COL13A1: variants seen among roughly 807,000 people sequenced by gnomAD.
COL13A1 encodes collagen type XIII alpha 1 chain.
COL13A1 carries 89 observed loss-of-function variants against 130.9 expected under a neutral mutation model. That is an observed-to-expected ratio of 0.68 (90% CI 0.57 to 0.81). COL13A1 has a LOEUF of 0.81. Ranked by LOEUF, COL13A1 falls within the 30% of genes least tolerant of loss-of-function variation. The probability of loss-of-function intolerance (pLI) is 0.00; values close to 1 mark genes in which losing one functional copy is unlikely to be tolerated. For synonymous variants in COL13A1, 402 were observed against 341.6 expected (o/e 1.18, Z -1.95); for missense variants, 879 against 934.6 (o/e 0.94, Z 0.78).
chr10:69,956,947 C>T (rs1007122949), intron 39 of COL13A1, 57 bp from the exon 40 acceptor site: 17 of 1,464,040 alleles, frequency 1.2e-5, no homozygotes, highest in Admixed American at 3.3e-5. Flanking sequence ...CCTGTCCTGC[C>T]CACTTGGTGG....
At position 69,905,953 on chromosome 10, in the gene COL13A1, CTCACTGG is replaced by C; in HGVS notation, c.921+132_921+138del. On this transcript the variant is annotated intron_variant, in intron 17 of 40. Coordinates refer to ENST00000645393, the MANE Select transcript of COL13A1 (RefSeq NM_001368882.1). The stretch of plus-strand genomic sequence containing the variant: ...TGCCTGTAGTGAGGCAGGCCAGGTT[CTCACTGG>C]CCCCCCGAGGGCCTGATAAGTGGGA... 1.2e-5 allele frequency: 12 copies of C among 975,692 alleles called. No individual in the cohort carries two copies. In the South Asian group the frequency reaches 2.0e-4, roughly 16 times the overall value. The allele number at this position is 975,692 out of a possible 1,614,324, so 60.4% of individuals were successfully genotyped here. A position where few individuals can be genotyped will look rare whatever the true frequency, so the allele number is the denominator to read the frequency against.
At position 69,867,924 on chromosome 10, in the gene COL13A1, A is replaced by G. The variant is rs1697512028; in HGVS notation, c.372+119A>G. 4 of 673,166 alleles carry G rather than the reference A, an allele frequency of 5.9e-6. No homozygotes were observed. The Admixed American group carries it at 7.0e-5, about 12-fold the overall frequency. The allele number at this position is 673,166 out of a possible 1,614,324, so 41.7% of individuals were successfully genotyped here. A position where few individuals can be genotyped will look rare whatever the true frequency, so the allele number is the denominator to read the frequency against. ...CTGCTGTCTTGTTGGGGGCCTATGC[A>G]GGCTCCTGAGGGGTCCCTCCAGAAT... On this transcript the variant is annotated intron_variant, in intron 3 of 40. Coordinates refer to ENST00000645393, the MANE Select transcript of COL13A1 (RefSeq NM_001368882.1).
At chr10:69,897,431 C>T (rs1205762362) in intron 13 of COL13A1, 1 of 1,605,656 alleles carries the variant, frequency 6.2e-7, no homozygotes, top group Admixed American at 1.7e-5. Context: ...CCCTCACGGT[C>T]CCTGTCGCCC....
At chr10:69,877,986 T>C in intron 5 of COL13A1, 53 bp from the exon 6 acceptor site, 2 of 700,054 alleles carry the variant, frequency 2.9e-6, no homozygotes, top group South Asian at 3.0e-5. Flanking sequence ...CCCCTCTTTT[T>C]TCTCTCCCCT....
intron 2 of COL13A1, among the ~76,000 whole-genome samples, chr10:69,829,807 C>T (rs191251084): frequency 5.6e-4 from 85 of 152,374 alleles, no homozygotes; most frequent in African/African-American, 1.9e-3. Flanking sequence ...TAAAATGCTC[C>T]ACCATCTGCC....
intron 2 of COL13A1, among the ~76,000 whole-genome samples, chr10:69,857,093 C>T (rs1856646932): frequency 6.6e-6 from 1 of 152,220 alleles, no homozygotes; most frequent in Non-Finnish European, 1.5e-5. Flanking sequence ...AGCCTGAGAA[C>T]AGTGCCTGCC....
At chr10:69,812,140 A>G (rs1034586660) in intron 1 of COL13A1, among the ~76,000 whole-genome samples, 4 of 152,238 alleles carry the variant, frequency 2.6e-5, no homozygotes, top group African/African-American at 9.6e-5. Context: ...TATTGCTCTC[A>G]GGCTAGAGAC....
chr10:69,931,076 G>A (rs2066054029), intron 30 of COL13A1: 1 of 430,578 alleles, frequency 2.3e-6, no homozygotes. Context: ...GAGCAAGGGA[G>A]CCACATCCTG....
intron 21 of COL13A1, among the ~76,000 whole-genome samples, chr10:69,921,260 A>G (rs559165924): frequency 6.6e-6 from 1 of 152,104 alleles, no homozygotes; most frequent in South Asian, 2.1e-4. Flanking sequence ...CTCCATCTCC[A>G]TATGGCATTT....
chr10:69,824,157 G>A (rs1211770582), intron 2 of COL13A1: 1 of 472,172 alleles, frequency 2.1e-6, no homozygotes, highest in African/African-American at 2.0e-5. Context: ...CTGAAAAACA[G>A]GGACAATAGA....
At chr10:69,908,572 G>C (rs756010932) in intron 17 of COL13A1, among the ~76,000 whole-genome samples, 1 of 152,212 alleles carries the variant, frequency 6.6e-6, no homozygotes, top group Non-Finnish European at 1.5e-5. Flanking sequence ...AACTGGAAGA[G>C]TGATTCATCC....
intron 1 of COL13A1, among the ~76,000 whole-genome samples, chr10:69,813,060 C>T (rs557258587): frequency 6.6e-6 from 1 of 152,370 alleles, no homozygotes; most frequent in South Asian, 2.1e-4. Flanking sequence ...ATGGGAGCAG[C>T]CTCAGTCTGC....
In COL13A1 at chr10:69,822,447, C is replaced by T; in HGVS notation, c.364+9C>T. 10 of 1,581,676 alleles carry T rather than the reference C, an allele frequency of 6.3e-6. No homozygotes were observed. The highest frequency in any genetic ancestry group is 6.0e-6 in the Non-Finnish European group (7 of 1,164,282). ...ATGTAACTGCCCACCAGGTAAGCAGCCCTGCAAATAGGTGACCGCGGATGT... is the reference window on the plus strand; with the variant it reads ...ATGTAACTGCCCACCAGGTAAGCAGTCCTGCAAATAGGTGACCGCGGATGT... On this transcript the variant is annotated intron_variant, in intron 2 of 40. Coordinates refer to ENST00000645393, the MANE Select transcript of COL13A1 (RefSeq NM_001368882.1).
intron 2 of COL13A1, among the ~76,000 whole-genome samples, chr10:69,828,932 A>G (rs1848155517): frequency 6.6e-6 from 1 of 152,194 alleles, no homozygotes; most frequent in South Asian, 2.1e-4. Context: ...ATGTAGTATG[A>G]GTCTCTTACA....
At chr10:69,909,559 T>C (rs895884739) in intron 17 of COL13A1, among the ~76,000 whole-genome samples, 5 of 152,150 alleles carry the variant, frequency 3.3e-5, no homozygotes, top group Non-Finnish European at 5.9e-5. Flanking sequence ...GACCCTTATC[T>C]TGCCACTAAC....
chr10:69,803,982 T>A (rs887675009), intron 1 of COL13A1, among the ~76,000 whole-genome samples: 1 of 152,002 alleles, frequency 6.6e-6, no homozygotes, highest in Non-Finnish European at 1.5e-5. Flanking sequence ...AAGGAGGAGA[T>A]TGCAGGGCCA....
At chr10:69,918,220 C>G (rs1245708005) in intron 18 of COL13A1, 65 bp from the exon 19 acceptor site, 2 of 1,468,134 alleles carry the variant, frequency 1.4e-6, no homozygotes, top group Non-Finnish European at 1.9e-6. Context: ...GTCCACTGCC[C>G]CCCGCCCCCT....
chr10:69,875,082 C>A, intron 4 of COL13A1, 46 bp from the exon 5 acceptor site: 1 of 1,613,660 alleles, frequency 6.2e-7, no homozygotes, highest in South Asian at 1.1e-5. Flanking sequence ...CACATGCTAG[C>A]CTGGTTCCAA....
At chr10:69,846,434 ACAGACGGCCAGCC>A (rs1302240180) in intron 2 of COL13A1, among the ~76,000 whole-genome samples, 1 of 152,136 alleles carries the variant, frequency 6.6e-6, no homozygotes, top group Admixed American at 6.5e-5. Flanking sequence ...CAGCACTGCG[ACAGACGGCCAGCC>A]CAGCACACCT....
Sources: gnomAD v4.1 joint callset for allele counts (sites outside exome capture counted in the v4.1 genomes callset) on GRCh38, gnomAD v4.1.1 for gene constraint, MANE v1.5 for transcripts, NCBI Gene and HGNC (gene_info 2026-07-23, HGNC 2026-07-21) for gene names.